HEBP2: variants seen among roughly 807,000 people sequenced by gnomAD.
HEBP2 encodes the protein heme binding protein 2, also known as heme-binding protein 2.
A neutral mutation model predicts 23.1 loss-of-function variants in HEBP2; 27 were observed. That is an observed-to-expected ratio of 1.17 (90% CI 0.86 to 1.61). The LOEUF (loss-of-function observed/expected upper bound fraction) is 1.61, where lower values mean the gene tolerates loss of function less well. Ranked by LOEUF, HEBP2 falls within the 40% of genes most tolerant of loss-of-function variation. The pLI is 0.00. For synonymous variants in HEBP2, 99 were observed against 95.1 expected, an observed-to-expected ratio of 1.04 and a Z score of -0.24; for missense variants, 245 against 253.8, an observed-to-expected ratio of 0.97 and a Z score of 0.24.
At position 138,404,289 on chromosome 6, in the gene HEBP2, C is replaced by G; in HGVS notation, c.-207C>G. The G allele has an allele frequency of 3.0e-6, 1 of 334,730 alleles. No homozygotes were observed. Among genetic ancestry groups the G allele is most frequent in the East Asian group, 4.6e-5 (1 of 21,624 alleles). 20.7% of individuals were successfully genotyped at this position (334,730 alleles called of 1,614,324 possible). ...GGCCGGAGCTGTCCGGGGTCGTGAG[C>G]CGGCCCCGCCTTGGTGGCGGCGCCC... On this transcript the variant is annotated 5_prime_UTR_variant, in exon 1 of 4. Transcript: ENST00000607197.
rs1337067672 is a variant in HEBP2, at chr6:138,417,138, G to A, written c.*4060G>A. On this transcript the variant is annotated 3_prime_UTR_variant, in exon 4 of 4. Coordinates refer to ENST00000607197, the MANE Select transcript of HEBP2 (RefSeq NM_014320.3). ...CCCATTAAAATGGGAGCATACAGAG[G>A]TTAGAAAGTAAACGTAGTTCTAATC... The A allele has an allele frequency of 2.6e-5, 4 of 152,192 alleles. No individual in the cohort carries two copies. The highest frequency in any genetic ancestry group is 7.2e-5 in the African/African-American group (3 of 41,432). The allele number at this position is 152,192 out of a possible 1,614,324, so 9.4% of individuals were successfully genotyped here.
chr6:138,404,539 C>T lies in HEBP2; in HGVS notation c.44C>T (p.Ala15Val). The change falls in exon 1 of 4, where the codon GCG becomes GTG. Residue 15 changes from alanine (A) to valine (V), a missense_variant. Transcript: ENST00000607197. ...LQPDPGAAED[A>V]AAQAVETPGW... ...CCAGACCCCGGGGCGGCCGAGGACG[C>T]GGCGGCCCAAGCTGTGGAGACGCCG... The T allele has an allele frequency of 7.7e-7, 1 of 1,303,158 alleles. No individual in the cohort carries two copies. The highest frequency in any genetic ancestry group is 9.8e-7 in the Non-Finnish European group (1 of 1,025,334). 80.7% of individuals were successfully genotyped at this position (1,303,158 alleles called of 1,614,324 possible).
rs1438158219 is a variant in HEBP2 at position 138,404,482 on chromosome 6, C to A, written c.-14C>A. The A allele has an allele frequency of 3.2e-6, 4 of 1,269,070 alleles. No individual in the cohort carries two copies. Among genetic ancestry groups the A allele is most frequent in the Non-Finnish European group, 4.0e-6 (4 of 1,008,022 alleles). The allele number at this position is 1,269,070 out of a possible 1,614,324, so 78.6% of individuals were successfully genotyped here. Reference sequence around the variant, plus strand: ...TGCGCGGCTGACCAGGCTCCCAGAGCGTCAGCGCCGCCCATGGCCGAGCCG... The same window carrying A: ...TGCGCGGCTGACCAGGCTCCCAGAGAGTCAGCGCCGCCCATGGCCGAGCCG... On this transcript the variant is annotated 5_prime_UTR_variant, in exon 1 of 4. Coordinates refer to ENST00000607197, the MANE Select transcript of HEBP2 (RefSeq NM_014320.3).
rs1774778495 is a variant in HEBP2 at position 138,413,037 on chromosome 6, T to C, written c.577T>C (p.Trp193Arg). Residue 193 changes from tryptophan to arginine, a missense_variant, in exon 4 of 4, where the codon TGG (tryptophan) becomes CGG (arginine). Physicochemically the swap from Trp to Arg is moderately radical, Grantham distance 101. Coordinates refer to ENST00000607197, the MANE Select transcript of HEBP2 (RefSeq NM_014320.3). ...ATTGCTTAATAGAAATAATGAAGTG[T>C]GGTTGATTCAAAAAAATGAACCCAC... ...VKLLNRNNEV[W>R]LIQKNEPTKE... 6.2e-7 allele frequency: 1 copy of C among 1,613,800 alleles called. No homozygotes were observed. Among genetic ancestry groups the C allele is most frequent in the Admixed American group, 1.7e-5 (1 of 59,986 alleles).
chr6:138,407,436 G>C (rs187303388), intron 3 of HEBP2, among the ~76,000 whole-genome samples: 4 of 152,298 alleles, frequency 2.6e-5, no homozygotes, highest in African/African-American at 9.6e-5. Flanking sequence ...CTTCCCTCTG[G>C]GCCCACTGGG....
Position 138,415,247 on chromosome 6 carries a change from T to C in HEBP2, c.*2169T>C, listed in dbSNP as rs1774822669. On this transcript the variant is annotated 3_prime_UTR_variant, in exon 4 of 4. Coordinates refer to ENST00000607197, the MANE Select transcript of HEBP2 (RefSeq NM_014320.3). ...CTCCTAACTCCATCTCAGCCTAAAATTGGCACAATTGGTACCAGTGGCCCA... is the reference window on the plus strand; with the variant it reads ...CTCCTAACTCCATCTCAGCCTAAAACTGGCACAATTGGTACCAGTGGCCCA... 6.6e-6 allele frequency: 1 copy of C among 152,164 alleles called. No individual in the cohort carries two copies. Among genetic ancestry groups the C allele is most frequent in the African/African-American group, 2.4e-5 (1 of 41,430 alleles). The allele number at this position is 152,164 out of a possible 1,614,324, so 9.4% of individuals were successfully genotyped here. A position where few individuals can be genotyped will look rare whatever the true frequency, so the allele number is the denominator to read the frequency against.
In HEBP2 at chr6:138,404,385, C is replaced by A; in HGVS notation, c.-111C>A. On this transcript the variant is annotated 5_prime_UTR_variant, in exon 1 of 4. The change creates a new upstream start codon in the 5' untranslated region. Transcript: ENST00000607197. ...GCCCGGCCGGGAGGAGGGACCGGGT[C>A]TGCGGAGCGGGGACTCGGGGCCTCG... 1 of 654,378 alleles carries A rather than the reference C, an allele frequency of 1.5e-6. No individual in the cohort carries two copies. Among genetic ancestry groups the A allele is most frequent in the South Asian group, 7.8e-5 (1 of 12,860 alleles). 40.5% of individuals were successfully genotyped at this position (654,378 alleles called of 1,614,324 possible).
Position 138,404,451 on chromosome 6 carries a change from G to T in HEBP2, c.-45G>T. 8.4e-7 allele frequency: 1 copy of T among 1,196,334 alleles called. No individual in the cohort carries two copies. The highest frequency in any genetic ancestry group is 1.0e-6 in the Non-Finnish European group (1 of 954,826). The allele number at this position is 1,196,334 out of a possible 1,614,324, so 74.1% of individuals were successfully genotyped here. A position where few individuals can be genotyped will look rare whatever the true frequency, so the allele number is the denominator to read the frequency against. ...GCAGGCGGGGCGGCCCGGGGTGCGG[G>T]GCCTCTGCGCGGCTGACCAGGCTCC... On this transcript the variant is annotated 5_prime_UTR_variant, in exon 1 of 4. Coordinates refer to ENST00000607197, the MANE Select transcript of HEBP2 (RefSeq NM_014320.3).
rs1403363026 is a variant in HEBP2 at position 138,414,355 on chromosome 6, G to A, written c.*1277G>A. On this transcript the variant is annotated 3_prime_UTR_variant, in exon 4 of 4. Coordinates refer to ENST00000607197, the MANE Select transcript of HEBP2 (RefSeq NM_014320.3). ...AGGAGTCGAGGGAGCTTTAGTTGTG[G>A]GGATGCAGTTACCAGAGTGAGGCCG... 6.6e-6 allele frequency: 1 copy of A among 152,202 alleles called. No individual in the cohort carries two copies. The highest frequency in any genetic ancestry group is 1.5e-5 in the Non-Finnish European group (1 of 68,032). The allele number at this position is 152,202 out of a possible 1,614,324, so 9.4% of individuals were successfully genotyped here.
intron 3 of HEBP2, 40 bp downstream of exon 3, chr6:138,406,191 T>A: frequency 6.4e-7 from 1 of 1,553,590 alleles, no homozygotes; most frequent in Non-Finnish European, 8.8e-7. Flanking sequence ...GACTGCTAGT[T>A]TTACTTGCGT....
rs899638917 is a variant in HEBP2 at position 138,404,544 on chromosome 6, G to A, written c.49G>A (p.Ala17Thr). 1.0e-5 allele frequency: 13 copies of A among 1,303,346 alleles called. No individual in the cohort carries two copies. Among genetic ancestry groups the A allele is most frequent in the South Asian group, 2.2e-5 (1 of 45,938 alleles). 80.7% of individuals were successfully genotyped at this position (1,303,346 alleles called of 1,614,324 possible). A position where few individuals can be genotyped will look rare whatever the true frequency, so the allele number is the denominator to read the frequency against. The change falls in exon 1 of 4, where the codon GCC becomes ACC. Residue 17 changes from alanine to threonine, a missense_variant. Physicochemically the swap from Ala to Thr is moderately conservative, Grantham distance 58. Transcript: ENST00000607197. ...PDPGAAEDAA[A>T]QAVETPGWKA... is the part of the protein sequence containing the mutation. ...CCCCGGGGCGGCCGAGGACGCGGCGGCCCAAGCTGTGGAGACGCCGGGCTG... is the reference window on the plus strand; with the variant it reads ...CCCCGGGGCGGCCGAGGACGCGGCGACCCAAGCTGTGGAGACGCCGGGCTG...
In HEBP2 at chr6:138,405,196, T is replaced by A. The variant is rs200987613; in HGVS notation, c.154T>A (p.Ser52Thr). ...HYGPAKWVST[S>T]VESMDWDSAI... The stretch of plus-strand genomic sequence containing the variant: ...TGGACCAGCCAAGTGGGTCAGCACG[T>A]CCGTGGAGTCTATGGACTGGGATTC... The change falls in exon 2 of 4, where the codon TCC becomes ACC. Residue 52 changes from serine to threonine, a missense_variant. Ser to Thr is a moderately conservative substitution (Grantham distance 58). Coordinates refer to ENST00000607197, the MANE Select transcript of HEBP2 (RefSeq NM_014320.3). 33 of 1,614,058 alleles carry A rather than the reference T, an allele frequency of 2.0e-5. No homozygotes were observed. Among genetic ancestry groups the A allele is most frequent in the Non-Finnish European group, 5.1e-6 (6 of 1,180,008 alleles).
intron 3 of HEBP2, among the ~76,000 whole-genome samples, chr6:138,408,172 C>G (rs919392502): frequency 6.6e-6 from 1 of 152,226 alleles, no homozygotes; most frequent in South Asian, 2.1e-4. Context: ...TACCCTTGTT[C>G]TCTCTTGAAC....
In HEBP2 at chr6:138,412,993, G is replaced by C; in HGVS notation, c.533G>C (p.Gly178Ala). 2 of 1,613,954 alleles carry C rather than the reference G, an allele frequency of 1.2e-6. No individual in the cohort carries two copies. Among genetic ancestry groups the C allele is most frequent in the Non-Finnish European group, 8.5e-7 (1 of 1,179,902 alleles). Residue 178 changes from glycine to alanine, a missense_variant, in exon 4 of 4, where the codon GGC becomes GCC. Coordinates refer to ENST00000607197, the MANE Select transcript of HEBP2 (RefSeq NM_014320.3). ...VFDEKVYYTA[G>A]YNSPVKLLNR... The stretch of plus-strand genomic sequence containing the variant: ...GATGAGAAGGTTTACTACACTGCAG[G>C]CTACAACAGTCCTGTCAAATTGCTT...
rs1023410669 is a variant in HEBP2 at position 138,418,956 on chromosome 6, G to A, written c.*5878G>A. 3 of 152,072 alleles carry A rather than the reference G, an allele frequency of 2.0e-5. No homozygotes were observed. Among genetic ancestry groups the A allele is most frequent in the Admixed American group, 6.6e-5 (1 of 15,252 alleles). 9.4% of individuals were successfully genotyped at this position (152,072 alleles called of 1,614,324 possible). ...AAAAAAACATGGATTAGGAGGTCTG[G>A]GGTAGAGGCATGTGGATGGGCATAT... On this transcript the variant is annotated 3_prime_UTR_variant, in exon 4 of 4. Coordinates refer to ENST00000607197, the MANE Select transcript of HEBP2 (RefSeq NM_014320.3).
intron 3 of HEBP2, among the ~76,000 whole-genome samples, chr6:138,407,191 C>A (rs1475728726): frequency 6.6e-6 from 1 of 152,184 alleles, no homozygotes; most frequent in Non-Finnish European, 1.5e-5. Flanking sequence ...AGCCTAAATT[C>A]ATCTAAAGAT....
rs1774945110 is a variant in HEBP2, at chr6:138,421,854, T to C, written c.*8776T>C. On this transcript the variant is annotated 3_prime_UTR_variant, in exon 4 of 4. Coordinates refer to ENST00000607197, the MANE Select transcript of HEBP2 (RefSeq NM_014320.3). ...GTGGACTTGTTTTTCCACGTGCCCT[T>C]GTAGATGGTGCCATCCAGTGTCTGT... 1 of 152,236 alleles carries C rather than the reference T, an allele frequency of 6.6e-6. No individual in the cohort carries two copies. Among genetic ancestry groups the C allele is most frequent in the South Asian group, 2.1e-4 (1 of 4,834 alleles). The allele number at this position is 152,236 out of a possible 1,614,324, so 9.4% of individuals were successfully genotyped here. A position where few individuals can be genotyped will look rare whatever the true frequency, so the allele number is the denominator to read the frequency against.
In HEBP2 at chr6:138,418,735, T is replaced by A. The variant is rs1774874853; in HGVS notation, c.*5657T>A. 1 of 152,154 alleles carries A rather than the reference T, an allele frequency of 6.6e-6. No homozygotes were observed. Among genetic ancestry groups the A allele is most frequent in the Admixed American group, 6.5e-5 (1 of 15,280 alleles). 9.4% of individuals were successfully genotyped at this position (152,154 alleles called of 1,614,324 possible). A position where few individuals can be genotyped will look rare whatever the true frequency, so the allele number is the denominator to read the frequency against. On this transcript the variant is annotated 3_prime_UTR_variant, in exon 4 of 4. Coordinates refer to ENST00000607197, the MANE Select transcript of HEBP2 (RefSeq NM_014320.3). ...GGCTTGGTTTATTGATTAGTTATCT[T>A]CTGTAGTTGCAAGCTGAAAATGGAC... is the stretch of plus-strand genomic sequence containing the variant.
rs1774909223 is a variant in HEBP2 at position 138,420,702 on chromosome 6, C to G, written c.*7624C>G. On this transcript the variant is annotated 3_prime_UTR_variant, in exon 4 of 4. Transcript: ENST00000607197. ...CAAGGACCTAACTGTTTCAGTCCAA[C>G]ACAGGACTCCTCCAATGAGTGACCT... 1 of 152,290 alleles carries G rather than the reference C, an allele frequency of 6.6e-6. No individual in the cohort carries two copies. Among genetic ancestry groups the G allele is most frequent in the African/African-American group, 2.4e-5 (1 of 41,472 alleles). The allele number at this position is 152,290 out of a possible 1,614,324, so 9.4% of individuals were successfully genotyped here.
Sources: allele counts gnomAD v4.1 joint callset (sites outside exome capture counted in the v4.1 genomes callset), GRCh38; gene constraint gnomAD v4.1.1; transcripts MANE v1.5; gene names NCBI Gene and HGNC (gene_info 2026-07-23, HGNC 2026-07-21).